The following LRRIQ3 variants were observed in gnomAD, a reference collection of about 807,000 sequenced individuals.
LRRIQ3 encodes leucine-rich repeat and IQ domain-containing protein 3.
LRRIQ3 carries 75 observed loss-of-function variants against 59.3 expected under a neutral mutation model. That is an observed-to-expected ratio of 1.26 (90% CI 1.05 to 1.53). LRRIQ3 has a LOEUF of 1.53. Ranked by LOEUF, LRRIQ3 falls within the 40% of genes most tolerant of loss-of-function variation. The pLI is 0.00. For synonymous variants in LRRIQ3, 250 were observed against 231.3 expected (o/e 1.08, Z -0.73); for missense variants, 831 against 710.0 (o/e 1.17, Z -1.94).
intron 5 of LRRIQ3, among the ~76,000 whole-genome samples, chr1:74,094,470 A>C (rs1167095282): frequency 6.6e-6 from 1 of 152,052 alleles, no homozygotes; most frequent in Non-Finnish European, 1.5e-5. Context: ...AAGCCACAGA[A>C]TATAGGCAGC....
At chr1:74,028,096 G>C (rs1014751235) in intron 7 of LRRIQ3, among the ~76,000 whole-genome samples, 3 of 152,052 alleles carry the variant, frequency 2.0e-5, no homozygotes, top group African/African-American at 7.2e-5. Context: ...AAGGTAGAGA[G>C]GGTAGCACAG....
chr1:74,149,940 T>C (rs1267461344), intron 4 of LRRIQ3, among the ~76,000 whole-genome samples: 4 of 152,220 alleles, frequency 2.6e-5, no homozygotes, highest in Non-Finnish European at 5.9e-5. Flanking sequence ...TAAAAGACCC[T>C]ATTTCTTAGC....
At position 74,127,482 on chromosome 1, in the gene LRRIQ3, T is replaced by C. The variant is rs796675027; in HGVS notation, c.708-17929A>G. Among the ~76,000 whole-genome samples, 8 of 152,062 alleles carry C rather than the reference T, an allele frequency of 5.3e-5. 1 individual carries two copies. Among genetic ancestry groups the C allele is most frequent in the African/African-American group, 1.9e-4 (8 of 41,552 alleles). On this transcript the variant is annotated intron_variant, in intron 4 of 7. Transcript: ENST00000354431. ...ATTTCTTGGTTTTTGTGTGTGTATC[T>C]GCTGTATTTTTTTTATTTGAAGATA...
At chr1:74,114,024 G>GTT (rs1389615922) in intron 4 of LRRIQ3, among the ~76,000 whole-genome samples, 1 of 150,500 alleles carries the variant, frequency 6.6e-6, no homozygotes, top group Non-Finnish European at 1.5e-5. Context: ...TGTGTATATT[G>GTT]TTATATATAT....
At chr1:74,073,870 A>C (rs1019246420) in intron 6 of LRRIQ3, among the ~76,000 whole-genome samples, 6 of 152,182 alleles carry the variant, frequency 3.9e-5, no homozygotes, top group Non-Finnish European at 7.4e-5. Context: ...TGTGAAAGAT[A>C]AAGAAAAGTT....
chr1:74,146,813 T>C (rs1647599224), intron 4 of LRRIQ3, among the ~76,000 whole-genome samples: 1 of 152,218 alleles, frequency 6.6e-6, no homozygotes, highest in Admixed American at 6.5e-5. Context: ...ATAAATTATC[T>C]GATGATTCTA....
intron 6 of LRRIQ3, among the ~76,000 whole-genome samples, chr1:74,068,274 G>C (rs1654923191): frequency 6.6e-6 from 1 of 152,022 alleles, no homozygotes; most frequent in Non-Finnish European, 1.5e-5. Flanking sequence ...GTTTAGTACA[G>C]TGAAGATTTC....
rs533734193 is a variant in LRRIQ3 at position 74,127,385 on chromosome 1, G to C, written c.708-17832C>G. Among the ~76,000 whole-genome samples the C allele has an allele frequency of 1.1e-4, 16 of 151,826 alleles. No homozygotes were observed. The East Asian group carries it at 2.9e-3, about 28-fold the overall frequency. ...GGTAAGATTTTACTCTTGCCATTTT[G>C]TTATTTGTTTTCTAGTTGATTTGTG... On this transcript the variant is annotated intron_variant, in intron 4 of 7. Transcript: ENST00000354431.
At chr1:74,093,208 T>G (rs887984461) in intron 5 of LRRIQ3, among the ~76,000 whole-genome samples, 4 of 152,038 alleles carry the variant, frequency 2.6e-5, no homozygotes, top group African/African-American at 9.7e-5. Context: ...CTATTAAGAC[T>G]ATGAAACTCC....
chr1:74,113,030 G>A (rs1646724119), intron 4 of LRRIQ3, among the ~76,000 whole-genome samples: 1 of 151,984 alleles, frequency 6.6e-6, no homozygotes, highest in Non-Finnish European at 1.5e-5. Flanking sequence ...TTATAAATAT[G>A]TTGAAAGAAA....
Position 74,119,638 on chromosome 1 carries a change from GT to G in LRRIQ3, c.708-10086del, listed in dbSNP as rs369124858. 2.6e-3 allele frequency among the ~76,000 whole-genome samples: 389 copies of G among 152,014 alleles called. 2 individuals are homozygous for G. Among genetic ancestry groups the G allele is most frequent in the African/African-American group, 9.1e-3 (378 of 41,496 alleles). On this transcript the variant is annotated intron_variant, in intron 4 of 7. Transcript: ENST00000354431. ...TGTACAGTAAGAAAACAAATATTTT[GT>G]TTAGAAAGATAAACAATTTTACCAC...
intron 4 of LRRIQ3, among the ~76,000 whole-genome samples, chr1:74,128,382 A>G (rs1646966216): frequency 6.6e-6 from 1 of 152,070 alleles, no homozygotes; most frequent in Non-Finnish European, 1.5e-5. Context: ...CTGGTAAGAG[A>G]CCGATTTACT....
rs147227680 is a variant in LRRIQ3, at chr1:74,035,150, T to C, written c.1718+6063A>G. On this transcript the variant is annotated intron_variant, in intron 7 of 7. Coordinates refer to ENST00000354431, the MANE Select transcript of LRRIQ3 (RefSeq NM_001105659.2). Reference sequence around the variant, plus strand: ...GTGAGCAATACAAATGATTCTTCTTTATAGAGATATAAATAATTGTGTTCA... The same window carrying C: ...GTGAGCAATACAAATGATTCTTCTTCATAGAGATATAAATAATTGTGTTCA... Among the ~76,000 whole-genome samples the C allele has an allele frequency of 4.1e-3, 619 of 152,210 alleles. 7 individuals are homozygous for C. The highest frequency in any genetic ancestry group is 0.013 in the African/African-American group (557 of 41,568).
intron 6 of LRRIQ3, among the ~76,000 whole-genome samples, chr1:74,071,117 T>C (rs1264497715): frequency 1.3e-5 from 2 of 151,316 alleles, no homozygotes; most frequent in Non-Finnish European, 2.9e-5. Flanking sequence ...TTAGGTAAAT[T>C]GTTTGTATGT....
chr1:74,183,605 T>A lies in LRRIQ3; in HGVS notation c.80A>T (p.Gln27Leu), dbSNP rs369247112. Residue 27 changes from glutamine to leucine, a missense_variant, in exon 2 of 8, where the codon CAA becomes CTA. Gln to Leu is a moderately radical substitution (Grantham distance 113). Transcript: ENST00000354431. ...SHYNENIREG[Q>L]KDFVFVKFNG... ...GAACTTCACAAAAACAAAATCTTTT[T>A]GACCTTCTCTTATGTTTTCATTATA... 6.2e-7 allele frequency: 1 copy of A among 1,612,234 alleles called. No individual in the cohort carries two copies. The highest frequency in any genetic ancestry group is 1.7e-5 in the Admixed American group (1 of 59,882).
At chr1:74,034,145 T>G (rs1462861753) in intron 7 of LRRIQ3, among the ~76,000 whole-genome samples, 1 of 151,992 alleles carries the variant, frequency 6.6e-6, no homozygotes, top group African/African-American at 2.4e-5. Context: ...CTTCACTAGT[T>G]ATGGAAATTT....
At chr1:74,170,775 T>C (rs1649275692) in intron 3 of LRRIQ3, among the ~76,000 whole-genome samples, 1 of 152,132 alleles carries the variant, frequency 6.6e-6, no homozygotes, top group Non-Finnish European at 1.5e-5. Flanking sequence ...GGATAGACAT[T>C]TTAACAATAC....
At chr1:74,125,500 GC>G (rs1370804644) in intron 4 of LRRIQ3, among the ~76,000 whole-genome samples, 1 of 151,750 alleles carries the variant, frequency 6.6e-6, no homozygotes, top group Non-Finnish European at 1.5e-5. Context: ...TTAGTACACA[GC>G]TTTTATTTTG....
intron 4 of LRRIQ3, among the ~76,000 whole-genome samples, chr1:74,119,780 T>A (rs1646826675): frequency 1.3e-5 from 2 of 152,146 alleles, no homozygotes; most frequent in South Asian, 4.1e-4. Context: ...ATTCTGTTCA[T>A]CTGATTTCTC....
Sources: allele counts gnomAD v4.1 joint callset (sites outside exome capture counted in the v4.1 genomes callset), GRCh38; gene constraint gnomAD v4.1.1; transcripts MANE v1.5; gene names NCBI Gene and HGNC (gene_info 2026-07-23, HGNC 2026-07-21).